PARD3B: variants seen among roughly 807,000 people sequenced by gnomAD.
The protein encoded by PARD3B is par-3 family cell polarity regulator beta, also known as partitioning defective 3 homolog B.
Under a neutral mutation model 130.2 loss-of-function variants are expected in PARD3B, and 103 were observed. The ratio of observed to expected loss-of-function variants is 0.79; its 90% CI spans 0.67 to 0.93. PARD3B has a LOEUF of 0.93. PARD3B is among the 40% of genes least tolerant of loss of function. The pLI is 0.00. For synonymous variants in PARD3B, 583 were observed against 553.2 expected (o/e 1.05, Z -0.76); for missense variants, 1,609 against 1,499.2 (o/e 1.07, Z -1.21).
At position 205,125,497 on chromosome 2, in the gene PARD3B, G is replaced by C. The variant is rs2031269524; in HGVS notation, c.1306-112G>C. 6 of 1,230,662 alleles carry C rather than the reference G, an allele frequency of 4.9e-6. No homozygotes were observed. Among genetic ancestry groups the C allele is most frequent in the Non-Finnish European group, 3.4e-6 (3 of 884,122 alleles). 76.2% of individuals were successfully genotyped at this position (1,230,662 alleles called of 1,614,324 possible). On this transcript the variant is annotated intron_variant, in intron 9 of 22. Coordinates refer to ENST00000406610, the MANE Select transcript of PARD3B (RefSeq NM_001302769.2). The surrounding 1 kb of genome is among the most constrained non-coding windows in gnomAD (Gnocchi z 4.0). ...CATGTATTTAGTTATCATCTTTTCA[G>C]AGCTTCCTCAAGTATGGGAGCCCAT...
At chr2:205,356,061 C>T (rs548574848) in intron 18 of PARD3B, among the ~76,000 whole-genome samples, 2 of 152,172 alleles carry the variant, frequency 1.3e-5, no homozygotes, top group African/African-American at 4.8e-5. Context: ...CATATTTACC[C>T]AGAAATTTCA....
rs1413609595 is a variant in PARD3B at position 205,274,129 on chromosome 2, C to T, written c.2186-26401C>T. Among the ~76,000 whole-genome samples the T allele has an allele frequency of 6.6e-6, 1 of 152,058 alleles. No individual in the cohort carries two copies. The highest frequency in any genetic ancestry group is 2.4e-5 in the African/African-American group (1 of 41,390). ...TTAAAAAAAGTCTATTTTATTTTCCCTCATATGTATATATATCTTTATCTT... is the reference window on the plus strand; with the variant it reads ...TTAAAAAAAGTCTATTTTATTTTCCTTCATATGTATATATATCTTTATCTT... On this transcript the variant is annotated intron_variant, in intron 16 of 22. Coordinates refer to ENST00000406610, the MANE Select transcript of PARD3B (RefSeq NM_001302769.2). The surrounding 1 kb of genome is among the most constrained non-coding windows in gnomAD (Gnocchi z 4.2).
chr2:204,700,872 C>G (rs748675222), intron 2 of PARD3B, among the ~76,000 whole-genome samples: 16 of 151,878 alleles, frequency 1.1e-4, no homozygotes, highest in Admixed American at 2.0e-4. Flanking sequence ...AAACTGTTAA[C>G]TGTTAAACCC....
At chr2:205,522,630 G>A (rs1029572908) in intron 21 of PARD3B, among the ~76,000 whole-genome samples, 2 of 152,096 alleles carry the variant, frequency 1.3e-5, no homozygotes, top group South Asian at 4.2e-4. Flanking sequence ...ATAGCAAAGA[G>A]CACAACAGAC....
chr2:205,072,247 T>C (rs990624199), intron 4 of PARD3B, among the ~76,000 whole-genome samples: 10 of 151,850 alleles, frequency 6.6e-5, no homozygotes, highest in Non-Finnish European at 1.3e-4. Flanking sequence ...GTCCTTTTTT[T>C]TTTTTTTTCT....
intron 15 of PARD3B, among the ~76,000 whole-genome samples, chr2:205,217,880 A>T (rs2038021244): frequency 1.1e-5 from 1 of 91,890 alleles, no homozygotes; most frequent in Non-Finnish European, 2.1e-5. Flanking sequence ...ATATATATAT[A>T]TATATATATA....
chr2:204,702,874 C>T (rs1014861959), intron 2 of PARD3B, among the ~76,000 whole-genome samples: 1 of 152,064 alleles, frequency 6.6e-6, no homozygotes, highest in Non-Finnish European at 1.5e-5. Flanking sequence ...CCATGCCTGG[C>T]CAATAGAGTT....
chr2:205,031,862 C>T (rs1235495363), intron 3 of PARD3B, among the ~76,000 whole-genome samples: 2 of 151,880 alleles, frequency 1.3e-5, no homozygotes, highest in Non-Finnish European at 2.9e-5. Flanking sequence ...TCTGATAATC[C>T]CTTAAAAGAG....
rs78849039 is a variant in PARD3B at position 205,253,781 on chromosome 2, C to A, written c.2185+7959C>A. On this transcript the variant is annotated intron_variant, in intron 16 of 22. Transcript: ENST00000406610. The surrounding 1 kb of genome is among the most constrained non-coding windows in gnomAD (Gnocchi z 4.4). The stretch of plus-strand genomic sequence containing the variant: ...AAGTGCAGAAAGTGAGAAAAAAGGA[C>A]CAAGTTGGATCTCCTCCTAACCCTG... Among the ~76,000 whole-genome samples the A allele has an allele frequency of 2.4e-3, 358 of 152,154 alleles. 3 individuals carry two copies. The highest frequency in any genetic ancestry group is 8.4e-3 in the African/African-American group (348 of 41,532).
At chr2:205,391,539 ATAATG>A (rs2045860221) in intron 18 of PARD3B, among the ~76,000 whole-genome samples, 1 of 152,248 alleles carries the variant, frequency 6.6e-6, no homozygotes, top group African/African-American at 2.4e-5. Context: ...ATCTATTTCC[ATAATG>A]TTCCTGTTAA....
At position 205,523,687 on chromosome 2, in the gene PARD3B, T is replaced by A. The variant is rs532708942; in HGVS notation, c.3180+23656T>A. ...TGTGTTTCTAAAGAAGGTGTATATTTTTAAAATATTTTTAATGTGACATAG... is the reference window on the plus strand; with the variant it reads ...TGTGTTTCTAAAGAAGGTGTATATTATTAAAATATTTTTAATGTGACATAG... On this transcript the variant is annotated intron_variant, in intron 21 of 22. Transcript: ENST00000406610. Among the ~76,000 whole-genome samples, 146 of 152,216 alleles carry A rather than the reference T, an allele frequency of 9.6e-4. 1 individual carries two copies. Among genetic ancestry groups the A allele is most frequent in the Middle Eastern group, 3.4e-3 (1 of 294 alleles).
In PARD3B at chr2:205,352,553, C is replaced by T. The variant is rs566206642; in HGVS notation, c.2631-48460C>T. ...AGAGACTATTTGCTTTGATTTACAT[C>T]TATATCACCTTCAATTTAATATTTC... On this transcript the variant is annotated intron_variant, in intron 18 of 22. Transcript: ENST00000406610. The surrounding 1 kb of genome is among the most constrained non-coding windows in gnomAD (Gnocchi z 5.2). 6.6e-6 allele frequency among the ~76,000 whole-genome samples: 1 copy of T among 152,308 alleles called. No individual in the cohort carries two copies. Among genetic ancestry groups the T allele is most frequent in the South Asian group, 2.1e-4 (1 of 4,824 alleles).
At position 205,269,125 on chromosome 2, in the gene PARD3B, TA is replaced by T. The variant is rs1400312525; in HGVS notation, c.2185+23306del. On this transcript the variant is annotated intron_variant, in intron 16 of 22. Coordinates refer to ENST00000406610, the MANE Select transcript of PARD3B (RefSeq NM_001302769.2). This position sits in a 1 kb window ranked among gnomAD's most constrained non-coding sequence, Gnocchi z 4.7. ...GTCACTTTAGACTTGTTTAAATATG[TA>T]AATCACTCAAAACTCAGAATTTTTG... Among the ~76,000 whole-genome samples the T allele has an allele frequency of 1.3e-5, 2 of 152,158 alleles. No individual in the cohort carries two copies. Among genetic ancestry groups the T allele is most frequent in the Non-Finnish European group, 2.9e-5 (2 of 68,010 alleles).
chr2:205,529,859 T>C (rs1304021644), intron 21 of PARD3B, among the ~76,000 whole-genome samples: 3 of 152,208 alleles, frequency 2.0e-5, no homozygotes, highest in Non-Finnish European at 4.4e-5. Context: ...TTGAGAAGTA[T>C]TTCTTTGAAG....
intron 3 of PARD3B, among the ~76,000 whole-genome samples, chr2:204,986,745 CT>C: frequency 6.6e-6 from 1 of 152,074 alleles, no homozygotes; most frequent in Non-Finnish European, 1.5e-5. Context: ...TTGGAATGAC[CT>C]TTTCGATGGG....
intron 22 of PARD3B, among the ~76,000 whole-genome samples, chr2:205,581,245 T>C (rs1468414694): frequency 7.8e-6 from 1 of 128,376 alleles, no homozygotes; most frequent in Non-Finnish European, 1.6e-5. Flanking sequence ...TATATAGATA[T>C]ATATAGATAT....
At chr2:204,862,985 G>A (rs1231735502) in intron 2 of PARD3B, among the ~76,000 whole-genome samples, 16 of 152,252 alleles carry the variant, frequency 1.1e-4, no homozygotes, top group Admixed American at 3.9e-4. Context: ...GCAAACCTCC[G>A]GAGGCTCCAC....
chr2:204,578,199 G>T (rs1403137335), intron 1 of PARD3B, among the ~76,000 whole-genome samples: 2 of 152,180 alleles, frequency 1.3e-5, no homozygotes, highest in Non-Finnish European at 2.9e-5. Flanking sequence ...GTACAGTTCT[G>T]CAAGATATTT....
At chr2:205,246,476 C>T (rs1255499696) in intron 16 of PARD3B, among the ~76,000 whole-genome samples, 1 of 152,086 alleles carries the variant, frequency 6.6e-6, no homozygotes, top group Non-Finnish European at 1.5e-5. Context: ...ATCATTTATT[C>T]ACATTAGTTG....
Sources: gnomAD v4.1 joint callset for allele counts (sites outside exome capture counted in the v4.1 genomes callset) on GRCh38, gnomAD v4.1.1 for gene constraint, Gnocchi (gnomAD v3.1) non-coding constraint, MANE v1.5 for transcripts, NCBI Gene and HGNC (gene_info 2026-07-23, HGNC 2026-07-21) for gene names.